GUCY1A2: variants seen among roughly 807,000 people sequenced by gnomAD.
GUCY1A2 encodes the protein guanylate cyclase soluble subunit alpha-2.
A neutral mutation model predicts 63.5 loss-of-function variants in GUCY1A2; 27 were observed. The ratio of observed to expected loss-of-function variants is 0.43; its 90% CI spans 0.31 to 0.59. The LOEUF is 0.59. Ranked by LOEUF, GUCY1A2 falls within the 20% of genes least tolerant of loss-of-function variation. The probability of loss-of-function intolerance (pLI) is 0.11; values close to 1 mark genes in which losing one functional copy is unlikely to be tolerated. For synonymous variants in GUCY1A2, 364 were observed against 343.5 expected (o/e 1.06, Z -0.66); for missense variants, 768 against 913.3 (o/e 0.84, Z 2.05).
At chr11:106,893,025 A>C (rs1426309924) in intron 4 of GUCY1A2, among the ~76,000 whole-genome samples, 1 of 152,196 alleles carries the variant, frequency 6.6e-6, no homozygotes, top group Non-Finnish European at 1.5e-5. Flanking sequence ...AACAACAAAA[A>C]AAAGTTTCCT....
chr11:106,741,179 A>G (rs4121676), intron 6 of GUCY1A2, among the ~76,000 whole-genome samples: 77,286 of 152,186 alleles, frequency 0.51, 21,206 homozygotes, highest in East Asian at 0.73. Flanking sequence ...TTTATTTAAT[A>G]CATTCAAAGT....
intron 4 of GUCY1A2, chr11:106,827,681 A>T: frequency 6.5e-7 from 1 of 1,550,124 alleles, no homozygotes. Flanking sequence ...CTAACATGGT[A>T]CTTGATTGTT....
At chr11:106,844,907 G>A (rs558830165) in intron 4 of GUCY1A2, among the ~76,000 whole-genome samples, 7 of 151,470 alleles carry the variant, frequency 4.6e-5, no homozygotes, top group Admixed American at 1.3e-4. Flanking sequence ...GAACTTTAAG[G>A]CATCATTTTT....
intron 2 of GUCY1A2, among the ~76,000 whole-genome samples, chr11:106,980,000 C>T (rs1011643283): frequency 6.6e-6 from 1 of 152,138 alleles, no homozygotes; most frequent in Admixed American, 6.6e-5. Context: ...GGGGGGTCCA[C>T]AGCTGGTAGA....
At chr11:107,017,094 G>C (rs1360640079) in intron 1 of GUCY1A2, among the ~76,000 whole-genome samples, 7 of 152,052 alleles carry the variant, frequency 4.6e-5, no homozygotes, top group African/African-American at 1.4e-4. Context: ...AAGAATAAAT[G>C]CCTAGTGGAT....
rs1565264764 is a variant in GUCY1A2 at position 106,709,491 on chromosome 11, TA to T, written c.1837-826del. Among the ~76,000 whole-genome samples, 242 of 65,056 alleles carry T rather than the reference TA, an allele frequency of 3.7e-3. 17 individuals carry two copies. Among genetic ancestry groups the T allele is most frequent in the Non-Finnish European group, 4.9e-3 (196 of 40,346 alleles). The allele number at this position is 65,056 out of a possible 152,430, so 42.7% of individuals were successfully genotyped here. On this transcript the variant is annotated intron_variant, in intron 6 of 7. Coordinates refer to ENST00000526355, the MANE Select transcript of GUCY1A2 (RefSeq NM_000855.3). ...TAATATATATTATTATATATTTATA[TA>T]TATATAATAATATATATTATTCTAT... is the stretch of plus-strand genomic sequence containing the variant.
At chr11:106,690,294 G>A (rs372438457) in intron 7 of GUCY1A2, among the ~76,000 whole-genome samples, 5 of 152,134 alleles carry the variant, frequency 3.3e-5, no homozygotes, top group African/African-American at 1.2e-4. Context: ...TGGTAGACTG[G>A]ATAAAGAAAA....
At chr11:106,806,889 AC>A (rs1858694271) in intron 5 of GUCY1A2, among the ~76,000 whole-genome samples, 1 of 152,192 alleles carries the variant, frequency 6.6e-6, no homozygotes, top group Non-Finnish European at 1.5e-5. Flanking sequence ...GAATTCTACC[AC>A]TGAAATTATA....
chr11:106,797,372 C>T (rs371637978), intron 5 of GUCY1A2, among the ~76,000 whole-genome samples: 171 of 151,970 alleles, frequency 1.1e-3, no homozygotes, highest in East Asian at 4.1e-3. Context: ...GACAGATCAA[C>T]GAGACAGAAA....
chr11:106,936,788 G>T (rs994048468), intron 4 of GUCY1A2: 5 of 744,864 alleles, frequency 6.7e-6, no homozygotes, highest in Non-Finnish European at 9.0e-6. Context: ...TAAATTATGA[G>T]AGCCCTCAAT....
chr11:106,879,685 T>C (rs942589572), intron 4 of GUCY1A2, among the ~76,000 whole-genome samples: 2 of 152,080 alleles, frequency 1.3e-5, no homozygotes, highest in African/African-American at 4.8e-5. Context: ...CTCTCTTTCC[T>C]CTGTTTCCAT....
chr11:106,798,210 C>T (rs1224201020), intron 5 of GUCY1A2, among the ~76,000 whole-genome samples: 2 of 152,046 alleles, frequency 1.3e-5, no homozygotes, highest in East Asian at 1.9e-4. Flanking sequence ...CAAGACTAAA[C>T]CAGGAAGAAG....
chr11:106,713,112 G>T (rs570563115), intron 6 of GUCY1A2, among the ~76,000 whole-genome samples: 5 of 152,238 alleles, frequency 3.3e-5, no homozygotes, highest in African/African-American at 1.2e-4. Flanking sequence ...CCACAGCCTG[G>T]ATGCCTCTCA....
At chr11:106,782,188 G>C (rs1447200463) in intron 5 of GUCY1A2, among the ~76,000 whole-genome samples, 1 of 152,120 alleles carries the variant, frequency 6.6e-6, no homozygotes, top group Non-Finnish European at 1.5e-5. Context: ...TTTCTATGGG[G>C]CATAAGAGCA....
intron 5 of GUCY1A2, among the ~76,000 whole-genome samples, chr11:106,806,216 C>G (rs2171460): frequency 2.0e-5 from 3 of 152,132 alleles, no homozygotes; most frequent in Non-Finnish European, 4.4e-5. Flanking sequence ...ATGGTATTCT[C>G]AACTCTTTAT....
At chr11:106,766,715 G>T (rs999045263) in intron 6 of GUCY1A2, among the ~76,000 whole-genome samples, 1 of 151,986 alleles carries the variant, frequency 6.6e-6, no homozygotes, top group African/African-American at 2.4e-5. Context: ...TGTCTTATGT[G>T]TTGTATCTTG....
intron 3 of GUCY1A2, among the ~76,000 whole-genome samples, chr11:106,971,354 C>T (rs903833803): frequency 1.3e-5 from 2 of 151,850 alleles, no homozygotes; most frequent in Non-Finnish European, 2.9e-5. Flanking sequence ...AAGGTGCTTA[C>T]CTAAGTAACC....
chr11:106,832,025 C>T (rs1859057662), intron 4 of GUCY1A2, among the ~76,000 whole-genome samples: 1 of 152,082 alleles, frequency 6.6e-6, no homozygotes, highest in Admixed American at 6.6e-5. Context: ...GGTTCTATGC[C>T]ATAAATTAAT....
intron 6 of GUCY1A2, among the ~76,000 whole-genome samples, chr11:106,766,292 A>T (rs1864161581): frequency 6.6e-6 from 1 of 152,134 alleles, no homozygotes; most frequent in Admixed American, 6.6e-5. Context: ...TCCTAGGGCT[A>T]ACCAAGTTTT....
Sources: allele counts gnomAD v4.1 joint callset (sites outside exome capture counted in the v4.1 genomes callset), GRCh38; gene constraint gnomAD v4.1.1; transcripts MANE v1.5; gene names NCBI Gene and HGNC (gene_info 2026-07-23, HGNC 2026-07-21).